EVC: variants seen among roughly 807,000 people sequenced by gnomAD.
The protein encoded by EVC is EvC ciliary complex subunit 1.
EVC carries 116 observed loss-of-function variants against 118.9 expected under a neutral mutation model. The observed-to-expected ratio is 0.98, with a 90% CI of 0.84 to 1.14. The LOEUF (loss-of-function observed/expected upper bound fraction) is 1.14. Ranked by LOEUF, EVC falls within the 50% of genes most tolerant of loss-of-function variation. The pLI, the probability that EVC is intolerant of heterozygous loss-of-function variation, is 0.00. For synonymous variants in EVC, 619 were observed against 534.7 expected (o/e 1.16, Z -2.18); for missense variants, 1,401 against 1,246.4 (o/e 1.12, Z -1.87).
At chr4:5,716,657 C>T (rs1724011305) in intron 1 of EVC, among the ~76,000 whole-genome samples, 2 of 152,216 alleles carry the variant, frequency 1.3e-5, no homozygotes, top group Non-Finnish European at 1.5e-5. Flanking sequence ...GGAAACCAAA[C>T]ATCTCCTGAC....
chr4:5,765,302 T>C (rs1181968094), intron 11 of EVC, among the ~76,000 whole-genome samples: 3 of 116,816 alleles, frequency 2.6e-5, no homozygotes, highest in Admixed American at 2.3e-4. Flanking sequence ...TTACATTTGC[T>C]GAGGAGAGCA....
rs1471130964 is a variant in EVC at position 5,748,219 on chromosome 4, C to T, written c.1011C>T (p.Ser337=). 1 of 1,614,148 alleles carries T rather than the reference C, an allele frequency of 6.2e-7. No individual in the cohort carries two copies. The highest frequency in any genetic ancestry group is 8.5e-7 in the Non-Finnish European group (1 of 1,180,038). Reference sequence around the variant, plus strand: ...TGGACCAGTTTAAGTGTTCCAGCTCCAAAGCCCGACAGCTGATGATGACTC... The same window carrying T: ...TGGACCAGTTTAAGTGTTCCAGCTCTAAAGCCCGACAGCTGATGATGACTC... ...FLVDQFKCSS[S]KARQLMMTLT... The change falls in exon 8 of 21, where the codon TCC becomes TCT. Residue 337 remains serine, a synonymous_variant. Transcript: ENST00000264956.
rs1723000270 is a variant in EVC, at chr4:5,711,458, C to G, written c.78C>G (p.Ala26=). 9.6e-7 allele frequency: 1 copy of G among 1,042,648 alleles called. No individual in the cohort carries two copies. The highest frequency in any genetic ancestry group is 1.1e-6 in the Non-Finnish European group (1 of 870,356). The allele number at this position is 1,042,648 out of a possible 1,614,324, so 64.6% of individuals were successfully genotyped here. ...LGRDALRPAP[A]LLAPAVLLGA... is the part of the protein sequence containing the mutation. ...GGGACGCGCTGCGGCCGGCGCCCGC[C>G]CTGCTGGCCCCCGCCGTGCTGCTGG... Residue 26 remains alanine, a synonymous_variant, in exon 1 of 21, where the codon GCC becomes GCG. Transcript: ENST00000264956.
chr4:5,799,740 G>A (rs1714635736), intron 15 of EVC, among the ~76,000 whole-genome samples: 1 of 152,184 alleles, frequency 6.6e-6, no homozygotes, highest in Non-Finnish European at 1.5e-5. Context: ...TTTCATCTCA[G>A]TAAAACGAGT....
chr4:5,809,560 C>T lies in EVC; in HGVS notation c.2731C>T (p.Arg911Ter), dbSNP rs767400887. The change falls in exon 19 of 21, where the codon CGA becomes TGA. Residue 911 changes from arginine to a stop codon, truncating the protein, a stop_gained. Coordinates refer to ENST00000264956, the MANE Select transcript of EVC (RefSeq NM_153717.3). LOFTEE classifies it high-confidence loss of function. ...NFISELAALA[R>*]VPLAESKLLP... ...CATCTCCGAGCTGGCAGCCTTGGCC[C>T]GAGTGCCCCTTGCTGAAAGCAAACT... The T allele has an allele frequency of 1.7e-5, 27 of 1,614,054 alleles. No individual in the cohort carries two copies. Among genetic ancestry groups the T allele is most frequent in the Middle Eastern group, 3.3e-4 (2 of 6,084 alleles).
At chr4:5,752,803 C>T (rs1385716554) in intron 8 of EVC, 33 bp from the exon 9 acceptor site, 1 of 1,608,456 alleles carries the variant, frequency 6.2e-7, no homozygotes, top group Non-Finnish European at 8.5e-7. Flanking sequence ...CCCAGGACAC[C>T]CCAGCTATGG....
At chr4:5,751,983 C>A (rs887287500) in intron 8 of EVC, among the ~76,000 whole-genome samples, 3 of 152,168 alleles carry the variant, frequency 2.0e-5, no homozygotes, top group Non-Finnish European at 2.9e-5. Flanking sequence ...GGTTTGGGGC[C>A]ATGGCTGACA....
Position 5,801,024 on chromosome 4 carries a change from T to C in EVC, c.2305-926T>C, listed in dbSNP as rs570232667. Among the ~76,000 whole-genome samples, 25 of 152,352 alleles carry C rather than the reference T, an allele frequency of 1.6e-4. No homozygotes were observed. The South Asian group carries it at 5.0e-3, about 30-fold the overall frequency. On this transcript the variant is annotated intron_variant, in intron 15 of 20. Coordinates refer to ENST00000264956, the MANE Select transcript of EVC (RefSeq NM_153717.3). ...CTTATGAGGAAAAGAATGATAACTT[T>C]GTCAGTGCACAACCAGCACATCCCC...
intron 5 of EVC, among the ~76,000 whole-genome samples, chr4:5,740,861 G>A (rs1728455372): frequency 6.6e-6 from 1 of 152,182 alleles, no homozygotes; most frequent in Non-Finnish European, 1.5e-5. Flanking sequence ...AAGCCAGCAT[G>A]AAAATCCAAG....
In EVC at chr4:5,797,092, G is replaced by A. The variant is rs762716384; in HGVS notation, c.1957G>A (p.Gly653Ser). 32 of 1,613,396 alleles carry A rather than the reference G, an allele frequency of 2.0e-5. No individual in the cohort carries two copies. In the Middle Eastern group the frequency reaches 4.9e-4, roughly 25 times the overall value. The change falls in exon 14 of 21, where the codon GGC becomes AGC. Residue 653 changes from glycine (G) to serine (S), a missense_variant. By Grantham distance (56) the Gly-to-Ser change is moderately conservative (BLOSUM62 0). Coordinates refer to ENST00000264956, the MANE Select transcript of EVC (RefSeq NM_153717.3). ...RSALRRLALR[G>S]NALATLTQMR... ...AGCCCTCCGGAGGCTGGCACTCCGC[G>A]GCAACGCCCTGGCCACCCTGACGCA...
chr4:5,814,956 A>G (rs1322392398), downstream of EVC, among the ~76,000 whole-genome samples: 1 of 151,824 alleles, frequency 6.6e-6, no homozygotes, highest in East Asian at 1.9e-4. Flanking sequence ...ACCTTCCTTT[A>G]TTTCTTGTCC....
At chr4:5,722,519 C>G (rs896924549) in intron 2 of EVC, among the ~76,000 whole-genome samples, 2 of 152,114 alleles carry the variant, frequency 1.3e-5, no homozygotes, top group African/African-American at 4.8e-5. Flanking sequence ...GCACAGAAAA[C>G]CAGGGCCTTG....
intron 11 of EVC, among the ~76,000 whole-genome samples, chr4:5,759,608 T>C (rs1393860121): frequency 6.6e-6 from 1 of 152,168 alleles, no homozygotes; most frequent in African/African-American, 2.4e-5. Context: ...TTGCTGTGCA[T>C]CAGAATGTCA....
At chr4:5,750,485 T>C (rs1730183180) in intron 8 of EVC, among the ~76,000 whole-genome samples, 1 of 152,148 alleles carries the variant, frequency 6.6e-6, no homozygotes, top group Non-Finnish European at 1.5e-5. Flanking sequence ...ATGGAAACCA[T>C]ATTGCAGAGG....
chr4:5,828,690 T>C, the EVC span: 14 of 1,608,034 alleles, frequency 8.7e-6, no homozygotes, highest in Non-Finnish European at 1.1e-5. Flanking sequence ...GCCTCAGTGT[T>C]ACTTCCCAGG....
chr4:5,738,435 C>T lies in EVC; in HGVS notation c.703-3281C>T, dbSNP rs1325988613. On this transcript the variant is annotated intron_variant, in intron 5 of 20. Transcript: ENST00000264956. This position sits in a 1 kb window ranked among gnomAD's most constrained non-coding sequence, Gnocchi z 6.5. The stretch of plus-strand genomic sequence containing the variant: ...CAAATTGCTATCGAATAGCATGGCA[C>T]GCTGCAGAGAAATCTTTTGTGAAAG... Among the ~76,000 whole-genome samples, 2 of 152,090 alleles carry T rather than the reference C, an allele frequency of 1.3e-5. No individual in the cohort carries two copies. The highest frequency in any genetic ancestry group is 3.2e-3 in the Middle Eastern group (1 of 316).
Position 5,783,655 on chromosome 4 carries a change from A to T in EVC, c.1667A>T (p.Tyr556Phe), listed in dbSNP as rs200641549. ...MTGLPPEECD[Y>F]LRQEVQENAA... ...GGCCTCCCCCCGGAAGAGTGTGACT[A>T]CTTGAGGCAGGAAGTCCAGGAGAAC... Residue 556 changes from tyrosine (Y) to phenylalanine (F), a missense_variant, in exon 12 of 21, where the codon TAC becomes TTC. Tyr to Phe is a conservative substitution (Grantham distance 22). Coordinates refer to ENST00000264956, the MANE Select transcript of EVC (RefSeq NM_153717.3). The T allele has an allele frequency of 1.2e-6, 2 of 1,614,078 alleles. No individual in the cohort carries two copies. Among genetic ancestry groups the T allele is most frequent in the South Asian group, 2.2e-5 (2 of 91,082 alleles).
chr4:5,783,238 C>A (rs905077072), intron 11 of EVC, among the ~76,000 whole-genome samples: 7 of 151,702 alleles, frequency 4.6e-5, no homozygotes, highest in Non-Finnish European at 1.0e-4. Context: ...GCATGTGTTC[C>A]TGTGTGTGTG....
rs1197571097 is a variant in EVC, at chr4:5,794,307, T to TATATATATTTATATATATTTA, written c.1886+590_1886+591insATATATATTTATATATATTTA. On this transcript the variant is annotated intron_variant, in intron 13 of 20. Coordinates refer to ENST00000264956, the MANE Select transcript of EVC (RefSeq NM_153717.3). ...TATATATTTTTATATATTTATATTT[T>TATATATATTTATATATATTTA]TATATATTTATATATATTTATATAT... Among the ~76,000 whole-genome samples, 380 of 118,448 alleles carry TATATATATTTATATATATTTA rather than the reference T, an allele frequency of 3.2e-3. 3 individuals carry two copies. Among genetic ancestry groups the TATATATATTTATATATATTTA allele is most frequent in the African/African-American group, 8.5e-3 (255 of 30,030 alleles). 77.7% of individuals were successfully genotyped at this position (118,448 alleles called of 152,430 possible). A position where few individuals can be genotyped will look rare whatever the true frequency, so the allele number is the denominator to read the frequency against.
Sources: gnomAD v4.1 joint callset for allele counts (sites outside exome capture counted in the v4.1 genomes callset) on GRCh38, gnomAD v4.1.1 for gene constraint, Gnocchi (gnomAD v3.1) non-coding constraint, MANE v1.5 for transcripts, NCBI Gene and HGNC (gene_info 2026-07-23, HGNC 2026-07-21) for gene names.